The following MAN2B1 variants were observed in gnomAD, a reference collection of about 807,000 sequenced individuals.
MAN2B1 encodes the protein mannosidase alpha class 2B member 1.
In MAN2B1, 99 loss-of-function variants were observed where a neutral mutation model predicts 127.5. The observed-to-expected ratio is 0.78, with a 90% CI of 0.66 to 0.92. The LOEUF is 0.92. Ranked by LOEUF, MAN2B1 falls within the 40% of genes least tolerant of loss-of-function variation. The probability of loss-of-function intolerance (pLI) is 0.00; values close to 1 mark genes in which losing one functional copy is unlikely to be tolerated. For synonymous variants in MAN2B1, 573 were observed against 568.8 expected, an observed-to-expected ratio of 1.01 and a Z score of -0.11; for missense variants, 1,304 against 1,384.8, an observed-to-expected ratio of 0.94 and a Z score of 0.93.
At chr19:12,661,080 G>C (rs1291146135) in intron 7 of MAN2B1, 180 bp downstream of exon 7, 1 of 584,220 alleles carries the variant, frequency 1.7e-6, no homozygotes, top group African/African-American at 1.8e-5. Context: ...CTTACCTACA[G>C]AACTGTAAGA....
chr19:12,649,832 G>A (rs186573686), intron 18 of MAN2B1, 81 bp downstream of exon 18: 3 of 1,219,206 alleles, frequency 2.5e-6, no homozygotes, highest in African/African-American at 1.5e-5. Context: ...CCACACTCAT[G>A]TAATCAGCAA....
At chr19:12,649,643 G>A (rs1316370124) in intron 18 of MAN2B1, among the ~76,000 whole-genome samples, 1 of 151,578 alleles carries the variant, frequency 6.6e-6, no homozygotes, top group East Asian at 1.9e-4. Context: ...CACCACACCC[G>A]GCTGATTTTT....
At chr19:12,648,433 A>T in intron 20 of MAN2B1, 31 bp from the exon 21 acceptor site, 1 of 1,566,716 alleles carries the variant, frequency 6.4e-7, no homozygotes, top group South Asian at 1.1e-5. Flanking sequence ...AGGGGGTGAG[A>T]GTCGTGGGTT....
chr19:12,658,306 C>A lies in MAN2B1; in HGVS notation c.1148G>T (p.Gly383Val). ...KHDDFFPYAD[G>V]PHQFWTGYFS... Reference sequence around the variant, plus strand: ...GTAACCGGTCCAGAACTGGTGGGGGCCATCCGCGTAAGGGAAGAAGTCGTC... The same window carrying A: ...GTAACCGGTCCAGAACTGGTGGGGGACATCCGCGTAAGGGAAGAAGTCGTC... The change falls in exon 9 of 24, where the codon GGC becomes GTC. Residue 383 changes from glycine (G) to valine (V), a missense_variant. Gly to Val is a moderately radical substitution (Grantham distance 109). Transcript: ENST00000456935. The A allele has an allele frequency of 6.2e-7, 1 of 1,614,182 alleles. No individual in the cohort carries two copies.
chr19:12,647,527 C>T lies in MAN2B1; in HGVS notation c.2736G>A (p.Met912Ile). The T allele has an allele frequency of 6.2e-7, 1 of 1,614,220 alleles. No individual in the cohort carries two copies. Among genetic ancestry groups the T allele is most frequent in the South Asian group, 1.1e-5 (1 of 91,086 alleles). Reference protein sequence around the residue: ...LLTLASWGPEMVLLRLEHQFA... With the variant: ...LLTLASWGPEIVLLRLEHQFA... ...ACTGGTGCTCCAAGCGCAGCAGCAC[C>T]ATTTCGGGGCCCCAGCTGGCCAGCG... The change falls in exon 22 of 24, where the codon ATG becomes ATA. Residue 912 changes from methionine to isoleucine, a missense_variant. Met to Ile is a conservative substitution (Grantham distance 10, BLOSUM62 1). Coordinates refer to ENST00000456935, the MANE Select transcript of MAN2B1 (RefSeq NM_000528.4). This position sits in a 1 kb window ranked among gnomAD's most constrained non-coding sequence, Gnocchi z 4.9.
intron 6 of MAN2B1, among the ~76,000 whole-genome samples, chr19:12,661,947 C>G (rs539119004): frequency 6.6e-6 from 1 of 152,006 alleles, no homozygotes; most frequent in African/African-American, 2.4e-5. Context: ...CAGGTTCAAG[C>G]GACTCTCTTG....
At chr19:12,659,047 C>G (rs1332069610) in intron 7 of MAN2B1, 1 of 195,402 alleles carries the variant, frequency 5.1e-6, no homozygotes, top group East Asian at 1.3e-4. Context: ...TTAGTAGAGA[C>G]GGAGTTTCAC....
In MAN2B1 at chr19:12,661,767, C is replaced by T. The variant is rs570672685; in HGVS notation, c.910-391G>A. Among the ~76,000 whole-genome samples the T allele has an allele frequency of 5.3e-5, 8 of 151,272 alleles. No individual in the cohort carries two copies. The South Asian group carries it at 1.5e-3, about 28-fold the overall frequency. On this transcript the variant is annotated intron_variant, in intron 6 of 23. Coordinates refer to ENST00000456935, the MANE Select transcript of MAN2B1 (RefSeq NM_000528.4). ...ACTCAGGAGACTGAGGCAGGAGGAT[C>T]GCTTGAGTCTAGGAGTTTAAGACCA...
At chr19:12,652,734 G>A (rs2023869766) in intron 14 of MAN2B1, among the ~76,000 whole-genome samples, 1 of 151,854 alleles carries the variant, frequency 6.6e-6, no homozygotes, top group African/African-American at 2.4e-5. Context: ...GTTTCACCAT[G>A]TTGGCCAGGC....
At chr19:12,665,905 T>C (rs1301046003) in intron 1 of MAN2B1, 100 bp from the exon 2 acceptor site, 5 of 893,148 alleles carry the variant, frequency 5.6e-6, no homozygotes, top group Non-Finnish European at 9.0e-6. Flanking sequence ...CAGAGAGGCC[T>C]GATCTCGCCT....
In MAN2B1 at chr19:12,666,556, G is replaced by A. The variant is rs1455499364; in HGVS notation, c.146C>T (p.Ala49Val). 6.3e-7 allele frequency: 1 copy of A among 1,585,226 alleles called. No homozygotes were observed. Among genetic ancestry groups the A allele is most frequent in the East Asian group, 2.3e-5 (1 of 43,664 alleles). Residue 49 changes from alanine (A) to valine (V), a missense_variant, in exon 1 of 24, where the codon GCC becomes GTC. Physicochemically the swap from Ala to Val is moderately conservative, Grantham distance 64. Coordinates refer to ENST00000456935, the MANE Select transcript of MAN2B1 (RefSeq NM_000528.4). The part of the protein sequence containing the change: ...LLLLAAAGAR[A>V]GGYETCPTVQ... Reference sequence around the variant, plus strand: ...GGCCCCACTCACCTCGTATCCCCCGGCCCGAGCACCGGCAGCCGCCAGCAA... The same window carrying A: ...GGCCCCACTCACCTCGTATCCCCCGACCCGAGCACCGGCAGCCGCCAGCAA...
At chr19:12,653,724 T>G (rs1179271287) in intron 14 of MAN2B1, among the ~76,000 whole-genome samples, 1 of 152,100 alleles carries the variant, frequency 6.6e-6, no homozygotes, top group East Asian at 1.9e-4. Flanking sequence ...TGATTTTTTT[T>G]TTGTTTGCTT....
At chr19:12,646,876 T>A in intron 23 of MAN2B1, 144 bp from the exon 24 acceptor site, 1 of 662,958 alleles carries the variant, frequency 1.5e-6, no homozygotes, top group East Asian at 2.7e-5. Flanking sequence ...CTTAACCTGC[T>A]TCCCCGGCCC....
In MAN2B1 at chr19:12,658,084, A is replaced by G; in HGVS notation, c.1288T>C (p.Ser430Pro). The change falls in exon 10 of 24, where the codon TCC becomes CCC. Residue 430 changes from serine to proline, a missense_variant. Coordinates refer to ENST00000456935, the MANE Select transcript of MAN2B1 (RefSeq NM_000528.4). ...TTACTGAGGGGTGCACTGTCTCCGG[A>G]GCCATAGGGTCCCACGTTGGCCGCC... ...GLAANVGPYG[S>P]GDSAPLNEAM... The G allele has an allele frequency of 1.1e-5, 17 of 1,612,654 alleles. No individual in the cohort carries two copies. The highest frequency in any genetic ancestry group is 1.4e-5 in the Non-Finnish European group (17 of 1,179,846).
intron 11 of MAN2B1, 77 bp from the exon 12 acceptor site, chr19:12,657,133 G>T (rs1179289741): frequency 3.4e-6 from 3 of 882,984 alleles, no homozygotes; most frequent in Non-Finnish European, 5.5e-6. Flanking sequence ...GCCCCGCCCC[G>T]TTCCGGTCTC....
chr19:12,648,543 G>T (rs1237732225), intron 20 of MAN2B1, 141 bp from the exon 21 acceptor site: 3 of 672,628 alleles, frequency 4.5e-6, no homozygotes, highest in African/African-American at 1.8e-5. Context: ...TGAGGGTCTG[G>T]TAGGGCAACC....
At chr19:12,650,061 C>T in intron 17 of MAN2B1, 43 bp downstream of exon 17, 1 of 1,610,926 alleles carries the variant, frequency 6.2e-7, no homozygotes, top group Non-Finnish European at 8.5e-7. Context: ...ATAAACCCCT[C>T]TGCCCTTGCT....
In MAN2B1 at chr19:12,661,350, A is replaced by G. The variant is rs1313713193; in HGVS notation, c.936T>C (p.Thr312=). Residue 312 remains threonine (T), a synonymous_variant, in exon 7 of 24, where the codon ACT becomes ACC. Coordinates refer to ENST00000456935, the MANE Select transcript of MAN2B1 (RefSeq NM_000528.4). ...AQGRYYRTNH[T]VMTMGSDFQY... ...GGAAGTCCGAGCCCATGGTCATCAC[A>G]GTGTGGTTGGTGCGGTAATACCGGC... The G allele has an allele frequency of 6.2e-7, 1 of 1,613,724 alleles. No individual in the cohort carries two copies. Among genetic ancestry groups the G allele is most frequent in the African/African-American group, 1.3e-5 (1 of 74,894 alleles).
chr19:12,646,756 G>C (rs752589383), intron 23 of MAN2B1, 24 bp from the exon 24 acceptor site: 2 of 1,529,300 alleles, frequency 1.3e-6, no homozygotes, highest in Non-Finnish European at 1.8e-6. Flanking sequence ...GGGGGAAGGA[G>C]GAGTGAGGAG....
Sources: allele counts gnomAD v4.1 joint callset (sites outside exome capture counted in the v4.1 genomes callset), GRCh38; gene constraint gnomAD v4.1.1; non-coding constraint Gnocchi (gnomAD v3.1); transcripts MANE v1.5; gene names NCBI Gene and HGNC (gene_info 2026-07-23, HGNC 2026-07-21).